MYRIP: variants seen among roughly 807,000 people sequenced by gnomAD.
MYRIP encodes the protein rab effector MyRIP.
Under a neutral mutation model 98.0 loss-of-function variants are expected in MYRIP, and 49 were observed. The ratio of observed to expected loss-of-function variants is 0.50; its 90% CI spans 0.40 to 0.63. The LOEUF (loss-of-function observed/expected upper bound fraction) is 0.63. Among genes scored for constraint, MYRIP ranks in the 30% least tolerant of loss-of-function variants. MYRIP has a pLI of 0.00. For missense variants in MYRIP, 1,004 were observed against 1,058.2 expected, an observed-to-expected ratio of 0.95 and a Z score of 0.71; for synonymous variants, 404 against 409.5, an observed-to-expected ratio of 0.99 and a Z score of 0.16.
At chr3:39,878,035 A>G (rs1377744358) in intron 1 of MYRIP, among the ~76,000 whole-genome samples, 1 of 152,188 alleles carries the variant, frequency 6.6e-6, no homozygotes, top group African/African-American at 2.4e-5. Context: ...TTACCTAAGC[A>G]AGCCTGGGCA....
chr3:40,046,030 G>A (rs1186636510), intron 3 of MYRIP, among the ~76,000 whole-genome samples: 1 of 152,156 alleles, frequency 6.6e-6, no homozygotes, highest in Non-Finnish European at 1.5e-5. Flanking sequence ...AAGTAGATCA[G>A]TTGAGTGGTG....
At chr3:40,081,697 A>G (rs1294569369) in intron 3 of MYRIP, among the ~76,000 whole-genome samples, 2 of 152,212 alleles carry the variant, frequency 1.3e-5, no homozygotes, top group Non-Finnish European at 2.9e-5. Flanking sequence ...GAACATTTGG[A>G]ATTTATTCTC....
In MYRIP at chr3:39,861,142, G is replaced by A. The variant is rs1942457115; in HGVS notation, c.-30-39645G>A. 2.0e-5 allele frequency among the ~76,000 whole-genome samples: 3 copies of A among 152,200 alleles called. No homozygotes were observed. In the South Asian group the frequency reaches 6.2e-4, roughly 31 times the overall value. On this transcript the variant is annotated intron_variant, in intron 1 of 16. Transcript: ENST00000302541. ...CATGTTGGCGTCTTCAGTGCAGCAG[G>A]TTCCTAACCTCAACAGGCTAGGGAG...
At chr3:40,177,073 T>TAA (rs78605256) in intron 8 of MYRIP, among the ~76,000 whole-genome samples, 2 of 135,172 alleles carry the variant, frequency 1.5e-5, no homozygotes, top group African/African-American at 5.4e-5. Flanking sequence ...AGACCCTGTC[T>TAA]AAAAAAAAAA....
intron 2 of MYRIP, among the ~76,000 whole-genome samples, chr3:39,973,057 A>C (rs1340830607): frequency 6.6e-6 from 1 of 152,124 alleles, no homozygotes; most frequent in Admixed American, 6.6e-5. Context: ...ATATTCATAT[A>C]TATTAGAAAT....
Position 39,919,139 on chromosome 3 carries a change from C to T in MYRIP, c.110+18213C>T, listed in dbSNP as rs563672054. On this transcript the variant is annotated intron_variant, in intron 2 of 16. Transcript: ENST00000302541. The stretch of plus-strand genomic sequence containing the variant: ...GAAATATTTTGGTTTTCTTCACGTG[C>T]GAGAAATGTACCTGGAGTAGGGGCT... Among the ~76,000 whole-genome samples, 15 of 152,264 alleles carry T rather than the reference C, an allele frequency of 9.9e-5. 1 individual carries two copies. In the South Asian group the frequency reaches 2.1e-3, roughly 21 times the overall value.
At chr3:40,060,596 T>TGA (rs35495297) in intron 3 of MYRIP, among the ~76,000 whole-genome samples, 11,479 of 138,818 alleles carry the variant, frequency 0.083, 631 homozygotes, top group East Asian at 0.24. Flanking sequence ...TTTCTTTTTT[T>TGA]GAGAGAGAGA....
At chr3:40,231,618 G>C (rs1952661708) in intron 11 of MYRIP, among the ~76,000 whole-genome samples, 1 of 152,194 alleles carries the variant, frequency 6.6e-6, no homozygotes, top group Non-Finnish European at 1.5e-5. Flanking sequence ...CCTTTTGATT[G>C]TATGTTCAGT....
intron 16 of MYRIP, among the ~76,000 whole-genome samples, chr3:40,257,547 C>T (rs961309598): frequency 2.0e-5 from 3 of 152,152 alleles, no homozygotes; most frequent in African/African-American, 7.2e-5. Flanking sequence ...TAATAAATCA[C>T]ATCAACAGTT....
chr3:39,817,997 C>T lies in MYRIP; in HGVS notation c.-31+8081C>T, dbSNP rs551571418. On this transcript the variant is annotated intron_variant, in intron 1 of 16. Transcript: ENST00000302541. ...AAAAATAAAATGATACTTTAAAAAA[C>T]TTAACAACACATCAGCAACTTTAAT... 7.1e-4 allele frequency among the ~76,000 whole-genome samples: 108 copies of T among 152,234 alleles called. 1 individual carries two copies. Among genetic ancestry groups the T allele is most frequent in the African/African-American group, 2.5e-3 (105 of 41,540 alleles).
intron 10 of MYRIP, among the ~76,000 whole-genome samples, chr3:40,204,025 A>C (rs540810124): frequency 1.4e-4 from 1 of 6,898 alleles, no homozygotes; most frequent in Non-Finnish European, 3.2e-4. Flanking sequence ...AATATATATT[A>C]TATATATTAT....
At chr3:39,932,278 G>A (rs531403636) in intron 2 of MYRIP, among the ~76,000 whole-genome samples, 4 of 152,236 alleles carry the variant, frequency 2.6e-5, no homozygotes, top group South Asian at 2.1e-4. Context: ...TGTTTAAAGC[G>A]ACATCATAGA....
chr3:39,886,873 C>G (rs2125652565), intron 1 of MYRIP, among the ~76,000 whole-genome samples: 1 of 152,234 alleles, frequency 6.6e-6, no homozygotes, highest in African/African-American at 2.4e-5. Context: ...CACCCCAAAT[C>G]AACAGAATAT....
At chr3:40,059,894 A>C (rs549053979) in intron 3 of MYRIP, among the ~76,000 whole-genome samples, 1 of 152,340 alleles carries the variant, frequency 6.6e-6, no homozygotes, top group South Asian at 2.1e-4. Flanking sequence ...AAAGTTCATT[A>C]TTCACATGAT....
chr3:39,988,826 G>A lies in MYRIP; in HGVS notation c.111-55224G>A, dbSNP rs148912853. ...TTTGGCTATTGATACTTGTGTATGC[G>A]TCATGAAGTTCTTGTGCTGTGTTTT... is the stretch of plus-strand genomic sequence containing the variant. On this transcript the variant is annotated intron_variant, in intron 2 of 16. Transcript: ENST00000302541. Among the ~76,000 whole-genome samples, 188 of 151,528 alleles carry A rather than the reference G, an allele frequency of 1.2e-3. No homozygotes were observed. In the East Asian group the frequency reaches 0.019, roughly 15 times the overall value.
intron 9 of MYRIP, among the ~76,000 whole-genome samples, chr3:40,188,994 C>A (rs144320363): frequency 1.3e-5 from 2 of 152,320 alleles, no homozygotes; most frequent in African/African-American, 4.8e-5. Flanking sequence ...TCCAGGCAGA[C>A]CTGAGCCCAG....
intron 3 of MYRIP, among the ~76,000 whole-genome samples, chr3:40,118,068 C>T (rs1218482418): frequency 6.6e-6 from 1 of 152,076 alleles, no homozygotes; most frequent in Non-Finnish European, 1.5e-5. Flanking sequence ...GAAAAGTAAA[C>T]AGAATTTTCA....
At chr3:40,002,990 A>G (rs974930793) in intron 2 of MYRIP, among the ~76,000 whole-genome samples, 3 of 151,274 alleles carry the variant, frequency 2.0e-5, no homozygotes, top group East Asian at 1.9e-4. Context: ...CTAGACATCT[A>G]TAGGTATATA....
At chr3:40,140,924 A>T (rs1949878661) in intron 3 of MYRIP, among the ~76,000 whole-genome samples, 1 of 152,184 alleles carries the variant, frequency 6.6e-6, no homozygotes, top group Non-Finnish European at 1.5e-5. Context: ...TAATTTTATG[A>T]TTTTAATTAT....
Sources: gnomAD v4.1 joint callset for allele counts (sites outside exome capture counted in the v4.1 genomes callset) on GRCh38, gnomAD v4.1.1 for gene constraint, MANE v1.5 for transcripts, NCBI Gene and HGNC (gene_info 2026-07-23, HGNC 2026-07-21) for gene names.